PLA2G15: variants seen among roughly 807,000 people sequenced by gnomAD.
PLA2G15 encodes the protein lysosomal phospholipase A and acyltransferase.
A neutral mutation model predicts 40.9 loss-of-function variants in PLA2G15; 20 were observed. The observed-to-expected ratio is 0.49, with a 90% CI of 0.34 to 0.71. The LOEUF is 0.71. Among genes scored for constraint, PLA2G15 ranks in the 30% least tolerant of loss-of-function variants. The pLI is 0.01. For missense variants in PLA2G15, 471 were observed against 541.9 expected, an observed-to-expected ratio of 0.87 and a Z score of 1.30; for synonymous variants, 223 against 228.2, an observed-to-expected ratio of 0.98 and a Z score of 0.21.
rs2042300096 is a variant in PLA2G15, at chr16:68,245,451, C to T, written c.25C>T (p.Arg9Cys). The T allele has an allele frequency of 3.1e-6, 5 of 1,605,864 alleles. No homozygotes were observed. Among genetic ancestry groups the T allele is most frequent in the Non-Finnish European group, 3.4e-6 (4 of 1,179,772 alleles). The change falls in exon 1 of 6, where the codon CGT becomes TGT. Residue 9 changes from arginine to cysteine, a missense_variant. By Grantham distance (180) the Arg-to-Cys change is radical. Coordinates refer to ENST00000219345, the MANE Select transcript of PLA2G15 (RefSeq NM_012320.4). Reference sequence around the variant, plus strand: ...CATGGGCCTCCACCTCCGCCCCTACCGTGTGGGGCTGCTCCCGGATGGCCT... The same window carrying T: ...CATGGGCCTCCACCTCCGCCCCTACTGTGTGGGGCTGCTCCCGGATGGCCT... MGLHLRPY[R>C]VGLLPDGLLF...
In PLA2G15 at chr16:68,259,677, C is replaced by CT. The variant is rs779799138; in HGVS notation, c.*21dup. On this transcript the variant is annotated 3_prime_UTR_variant, in exon 6 of 6. Transcript: ENST00000219345. The surrounding 1 kb of genome is among the most constrained non-coding windows in gnomAD (Gnocchi z 6.5). ...CCCTGACTCCTGTGCCACAGGACTC[C>CT]TGTGGCTCGGCCGTGGACCTGCTGT... The CT allele has an allele frequency of 6.2e-7, 1 of 1,602,438 alleles. No individual in the cohort carries two copies. The highest frequency in any genetic ancestry group is 1.1e-5 in the South Asian group (1 of 90,388).
Position 68,245,503 on chromosome 16 carries a change from T to C in PLA2G15, c.77T>C (p.Leu26Pro). ...CTGTTCCTCTTGCTGCTGCTAATGCTGCTCGCGGACCCAGCGCTCCCGGCC... is the reference window on the plus strand; with the variant it reads ...CTGTTCCTCTTGCTGCTGCTAATGCCGCTCGCGGACCCAGCGCTCCCGGCC... ...GLLFLLLLLM[L>P]LADPALPAGR... Residue 26 changes from leucine to proline, a missense_variant, in exon 1 of 6, where the codon CTG (leucine) becomes CCG (proline). Physicochemically the swap from Leu to Pro is moderately conservative, Grantham distance 98. Coordinates refer to ENST00000219345, the MANE Select transcript of PLA2G15 (RefSeq NM_012320.4). 6.2e-7 allele frequency: 1 copy of C among 1,604,154 alleles called. No homozygotes were observed. The highest frequency in any genetic ancestry group is 1.1e-5 in the South Asian group (1 of 90,512).
intron 2 of PLA2G15, chr16:68,252,756 C>G (rs550664671): frequency 2.7e-6 from 1 of 376,298 alleles, no homozygotes; most frequent in Non-Finnish European, 5.3e-6. Context: ...TCGCTTGAGC[C>G]CAGGAGTTTG....
At position 68,255,920 on chromosome 16, in the gene PLA2G15, TATCC is replaced by T; in HGVS notation, c.658_661del (p.Ile220GlyfsTer34). On this transcript the variant is annotated frameshift_variant, in exon 5 of 6. Transcript: ENST00000219345. LOFTEE classifies it high-confidence loss of function. This position sits in a 1 kb window ranked among gnomAD's most constrained non-coding sequence, Gnocchi z 5.9. ...AGCCGCAGGCCTGGAAGGACAAGTA[TATCC>T]GGGCCTTCGTGTCACTGGGTGCGCC... The T allele has an allele frequency of 6.2e-7, 1 of 1,613,280 alleles. No homozygotes were observed.
rs767881485 is a variant in PLA2G15, at chr16:68,245,377, G to A, written c.-50G>A. 4.4e-6 allele frequency: 7 copies of A among 1,588,434 alleles called. No individual in the cohort carries two copies. Among genetic ancestry groups the A allele is most frequent in the Non-Finnish European group, 6.0e-6 (7 of 1,171,688 alleles). On this transcript the variant is annotated 5_prime_UTR_variant, in exon 1 of 6. Transcript: ENST00000219345. ...CGCCACCGCCCCCGCCTAGGCGAGA[G>A]CCCAGAGAGCTGAACCTGCATCCCG...
chr16:68,248,658 A>G, intron 1 of PLA2G15: 2 of 886,984 alleles, frequency 2.3e-6, no homozygotes, highest in South Asian at 3.5e-5. Context: ...AAGTGCTGGG[A>G]TTACAGGCAT....
chr16:68,256,031 G>A (rs560690182), intron 5 of PLA2G15, 41 bp downstream of exon 5: 53 of 1,348,546 alleles, frequency 3.9e-5, no homozygotes, highest in Admixed American at 7.7e-5. Context: ...CTGTTGCCAG[G>A]AATTCTGCCC....
rs1397147573 is a variant in PLA2G15 at position 68,259,678 on chromosome 16, T to G, written c.*21T>G. On this transcript the variant is annotated 3_prime_UTR_variant, in exon 6 of 6. Transcript: ENST00000219345. The surrounding 1 kb of genome is among the most constrained non-coding windows in gnomAD (Gnocchi z 6.5). ...CCTGACTCCTGTGCCACAGGACTCCTGTGGCTCGGCCGTGGACCTGCTGTT... is the reference window on the plus strand; with the variant it reads ...CCTGACTCCTGTGCCACAGGACTCCGGTGGCTCGGCCGTGGACCTGCTGTT... 6.2e-7 allele frequency: 1 copy of G among 1,601,992 alleles called. No individual in the cohort carries two copies. Among genetic ancestry groups the G allele is most frequent in the East Asian group, 2.2e-5 (1 of 44,708 alleles).
At position 68,259,456 on chromosome 16, in the gene PLA2G15, C is replaced by T; in HGVS notation, c.1038C>T (p.Ser346=). ...CACCAGACTCCTTCTACTATGAGAGCTTCCCTGACCGTGACCCTAAAATCT... is the reference window on the plus strand; with the variant it reads ...CACCAGACTCCTTCTACTATGAGAGTTTCCCTGACCGTGACCCTAAAATCT... The part of the protein sequence containing the change: ...VPTPDSFYYE[S]FPDRDPKICF... Residue 346 remains serine, a synonymous_variant, in exon 6 of 6, where the codon AGC becomes AGT. Coordinates refer to ENST00000219345, the MANE Select transcript of PLA2G15 (RefSeq NM_012320.4). The surrounding 1 kb of genome is among the most constrained non-coding windows in gnomAD (Gnocchi z 6.5). 1 of 1,613,770 alleles carries T rather than the reference C, an allele frequency of 6.2e-7. No homozygotes were observed. The highest frequency in any genetic ancestry group is 8.5e-7 in the Non-Finnish European group (1 of 1,180,032).
In PLA2G15 at chr16:68,249,298, G is replaced by A. The variant is rs2042334933; in HGVS notation, c.136G>A (p.Asp46Asn). 6.2e-7 allele frequency: 1 copy of A among 1,614,142 alleles called. No individual in the cohort carries two copies. Among genetic ancestry groups the A allele is most frequent in the Non-Finnish European group, 8.5e-7 (1 of 1,180,000 alleles). The part of the protein sequence containing the change: ...RHPPVVLVPG[D>N]LGNQLEAKLD... ...TCCTGTGCCCCCTGCAGTCCCTGGT[G>A]ATTTGGGTAACCAACTGGAAGCCAA... The change falls in exon 2 of 6, where the codon GAT becomes AAT. Residue 46 changes from aspartate to asparagine, a missense_variant. Physicochemically the swap from Asp to Asn is conservative, Grantham distance 23. Coordinates refer to ENST00000219345, the MANE Select transcript of PLA2G15 (RefSeq NM_012320.4).
At position 68,255,738 on chromosome 16, in the gene PLA2G15, C is replaced by T; in HGVS notation, c.503-28C>T. On this transcript the variant is annotated intron_variant, in intron 4 of 5. Coordinates refer to ENST00000219345, the MANE Select transcript of PLA2G15 (RefSeq NM_012320.4). This position sits in a 1 kb window ranked among gnomAD's most constrained non-coding sequence, Gnocchi z 5.9. ...GTTCCGGCTCCAGGACCCTTCCCACCTGACCCCTGCCTGGCTCTGGCCTGC... is the reference window on the plus strand; with the variant it reads ...GTTCCGGCTCCAGGACCCTTCCCACTTGACCCCTGCCTGGCTCTGGCCTGC... 1.9e-6 allele frequency: 3 copies of T among 1,598,058 alleles called. No homozygotes were observed. Among genetic ancestry groups the T allele is most frequent in the Non-Finnish European group, 8.6e-7 (1 of 1,165,446 alleles).
Position 68,251,134 on chromosome 16 carries a change from T to C in PLA2G15, c.284+1688T>C, listed in dbSNP as rs184610577. ...TTCACCAGTGTTACTTGCCAACAGGTGGTTTTTAAACCTGCTTTACAACTG... is the reference window on the plus strand; with the variant it reads ...TTCACCAGTGTTACTTGCCAACAGGCGGTTTTTAAACCTGCTTTACAACTG... On this transcript the variant is annotated intron_variant, in intron 2 of 5. Coordinates refer to ENST00000219345, the MANE Select transcript of PLA2G15 (RefSeq NM_012320.4). 2.7e-3 allele frequency among the ~76,000 whole-genome samples: 413 copies of C among 151,452 alleles called. 1 individual carries two copies. The highest frequency in any genetic ancestry group is 5.5e-3 in the Admixed American group (83 of 15,186).
chr16:68,245,533 G>C lies in PLA2G15; in HGVS notation c.107G>C (p.Arg36Pro). The change falls in exon 1 of 6, where the codon CGT becomes CCT. Residue 36 changes from arginine to proline, a missense_variant. By Grantham distance (103) the Arg-to-Pro change is moderately radical (BLOSUM62 -2). Coordinates refer to ENST00000219345, the MANE Select transcript of PLA2G15 (RefSeq NM_012320.4). ...LLADPALPAG[R>P]HPPVVLVPGD... ...GCGGACCCAGCGCTCCCGGCCGGAC[G>C]TCACCCCCCAGTGGTGCTGGGTGAG... 2 of 1,588,766 alleles carry C rather than the reference G, an allele frequency of 1.3e-6. No homozygotes were observed. The highest frequency in any genetic ancestry group is 1.7e-6 in the Non-Finnish European group (2 of 1,172,732).
chr16:68,256,261 C>T, intron 5 of PLA2G15: 1 of 397,082 alleles, frequency 2.5e-6, no homozygotes, highest in Non-Finnish European at 4.6e-6. Flanking sequence ...ACTATTAGCC[C>T]CCAGACCCAG....
chr16:68,257,647 A>G (rs2042413087), intron 5 of PLA2G15, among the ~76,000 whole-genome samples: 2 of 152,184 alleles, frequency 1.3e-5, no homozygotes, highest in Admixed American at 6.5e-5. Context: ...AGTGCCTGCC[A>G]CTGCTTGACC....
Position 68,245,381 on chromosome 16 carries a change from A to T in PLA2G15, c.-46A>T, listed in dbSNP as rs1435622122. ...ACCGCCCCCGCCTAGGCGAGAGCCC[A>T]GAGAGCTGAACCTGCATCCCGGACC... On this transcript the variant is annotated 5_prime_UTR_variant, in exon 1 of 6. Coordinates refer to ENST00000219345, the MANE Select transcript of PLA2G15 (RefSeq NM_012320.4). 1 of 1,591,068 alleles carries T rather than the reference A, an allele frequency of 6.3e-7. No homozygotes were observed. Among genetic ancestry groups the T allele is most frequent in the South Asian group, 1.1e-5 (1 of 90,746 alleles).
intron 2 of PLA2G15, chr16:68,253,499 C>T (rs767004907): frequency 1.2e-5 from 5 of 430,070 alleles, no homozygotes; most frequent in Admixed American, 5.0e-5. Context: ...CCTCAGACTC[C>T]GGATAACTGG....
In PLA2G15 at chr16:68,260,039, T is replaced by G; in HGVS notation, c.*382T>G. On this transcript the variant is annotated 3_prime_UTR_variant, in exon 6 of 6. Transcript: ENST00000219345. The stretch of plus-strand genomic sequence containing the variant: ...GGGCCCTGGCCCCGCAGCCTTCCTA[T>G]GAGGGATGTTACTGGGCTGTGGTCC... 3.8e-6 allele frequency: 1 copy of G among 260,544 alleles called. No homozygotes were observed. Among genetic ancestry groups the G allele is most frequent in the Non-Finnish European group, 7.5e-6 (1 of 133,118 alleles). The allele number at this position is 260,544 out of a possible 1,614,324, so 16.1% of individuals were successfully genotyped here.
At position 68,259,409 on chromosome 16, in the gene PLA2G15, C is replaced by T; in HGVS notation, c.991C>T (p.Leu331Phe). 2 of 1,614,080 alleles carry T rather than the reference C, an allele frequency of 1.2e-6. No individual in the cohort carries two copies. Among genetic ancestry groups the T allele is most frequent in the Non-Finnish European group, 1.7e-6 (2 of 1,180,050 alleles). Reference protein sequence around the residue: ...TMPPGVQLHCLYGTGVPTPDS... With the variant: ...TMPPGVQLHCFYGTGVPTPDS... ...GCCACCTGGCGTGCAGCTGCACTGC[C>T]TCTATGGTACTGGCGTCCCCACACC... is the stretch of plus-strand genomic sequence containing the variant. Residue 331 changes from leucine to phenylalanine, a missense_variant, in exon 6 of 6, where the codon CTC (leucine) becomes TTC (phenylalanine). Transcript: ENST00000219345. This position sits in a 1 kb window ranked among gnomAD's most constrained non-coding sequence, Gnocchi z 6.5.
Sources: gnomAD v4.1 joint callset for allele counts (sites outside exome capture counted in the v4.1 genomes callset) on GRCh38, gnomAD v4.1.1 for gene constraint, Gnocchi (gnomAD v3.1) non-coding constraint, MANE v1.5 for transcripts, NCBI Gene and HGNC (gene_info 2026-07-23, HGNC 2026-07-21) for gene names.